The following KTN1 variants were observed in gnomAD, a reference collection of about 807,000 sequenced individuals.
KTN1 encodes the protein kinectin 1.
Under a neutral mutation model 222.5 loss-of-function variants are expected in KTN1, and 130 were observed. That is an observed-to-expected ratio of 0.58 (90% CI 0.51 to 0.68). KTN1 has a LOEUF of 0.68. KTN1 is among the 30% of genes least tolerant of loss of function. The probability of loss-of-function intolerance (pLI) is 0.00; values close to 1 mark genes in which losing one functional copy is unlikely to be tolerated. For missense variants in KTN1, 1,508 were observed against 1,500.4 expected (o/e 1.01, Z -0.08); for synonymous variants, 512 against 496.3 (o/e 1.03, Z -0.42).
intron 1 of KTN1, among the ~76,000 whole-genome samples, chr14:55,609,765 C>A (rs184681579): frequency 6.6e-6 from 1 of 152,050 alleles, no homozygotes; most frequent in Admixed American, 6.6e-5. Context: ...AGTGCCTTAG[C>A]GTCTCTTCTT....
intron 5 of KTN1, among the ~76,000 whole-genome samples, chr14:55,620,369 C>G (rs1566728470): frequency 1.3e-5 from 2 of 152,148 alleles, no homozygotes; most frequent in African/African-American, 2.4e-5. Flanking sequence ...TCTCACAGCT[C>G]CACTGGGCAG....
At chr14:55,581,063 C>T (rs7141976) in intron 1 of KTN1, among the ~76,000 whole-genome samples, 27,383 of 152,286 alleles carry the variant, frequency 0.18, 3,069 homozygotes, top group Middle Eastern at 0.29. Flanking sequence ...TGTGTCCTAG[C>T]GATTCGGCCT....
At chr14:55,581,193 C>G (rs934383727) in intron 1 of KTN1, among the ~76,000 whole-genome samples, 1 of 152,186 alleles carries the variant, frequency 6.6e-6, no homozygotes, top group Non-Finnish European at 1.5e-5. Context: ...GATGTGCAGC[C>G]CCGCATGCTG....
Position 55,671,822 on chromosome 14 carries a change from A to T in KTN1, c.3476A>T (p.Gln1159Leu), listed in dbSNP as rs538400423. 1.4e-5 allele frequency: 22 copies of T among 1,611,310 alleles called. No homozygotes were observed. In the South Asian group the frequency reaches 1.9e-4, roughly 14 times the overall value. Residue 1159 changes from glutamine to leucine, a missense_variant, in exon 37 of 44, where the codon CAA becomes CTA. Transcript: ENST00000395314. ...ILQKLQRSVE[Q>L]EENKWKVKVD... ...CAGAAGCTACAGAGAAGTGTTGAGC[A>T]AGAAGAAAATAAATGGAAAGTTAAG...
intron 4 of KTN1, among the ~76,000 whole-genome samples, 153 bp from the exon 5 acceptor site, chr14:55,619,029 G>C (rs964117884): frequency 6.6e-6 from 1 of 152,036 alleles, no homozygotes; most frequent in Non-Finnish European, 1.5e-5. Flanking sequence ...CTCTTGACTG[G>C]AGTATTTGTT....
chr14:55,585,987 T>A (rs575464004), intron 1 of KTN1, among the ~76,000 whole-genome samples: 1 of 152,342 alleles, frequency 6.6e-6, no homozygotes, highest in Admixed American at 6.5e-5. Context: ...ACATTGTCTA[T>A]CAGGAGACAT....
chr14:55,663,803 C>CT (rs2044403959), intron 32 of KTN1, 152 bp from the exon 33 acceptor site: 1 of 567,182 alleles, frequency 1.8e-6, no homozygotes, highest in Non-Finnish European at 3.1e-6. Flanking sequence ...CTAAACATTG[C>CT]TTTTTATTTT....
intron 6 of KTN1, 115 bp from the exon 7 acceptor site, chr14:55,629,842 T>C (rs958045681): frequency 5.0e-5 from 38 of 762,698 alleles, no homozygotes; most frequent in Non-Finnish European, 7.4e-5. Context: ...GTACTTAATG[T>C]TTTATCATTC....
intron 33 of KTN1, among the ~76,000 whole-genome samples, chr14:55,664,423 C>T (rs2044480939): frequency 6.6e-6 from 1 of 152,096 alleles, no homozygotes; most frequent in African/African-American, 2.4e-5. Flanking sequence ...GTGCCATAAA[C>T]TACGTGTTTT....
rs192903660 is a variant in KTN1, at chr14:55,624,562, G to T, written c.964-3350G>T. Among the ~76,000 whole-genome samples the T allele has an allele frequency of 4.6e-5, 7 of 152,302 alleles. No individual in the cohort carries two copies. In the East Asian group the frequency reaches 1.4e-3, roughly 29 times the overall value. On this transcript the variant is annotated intron_variant, in intron 5 of 43. Coordinates refer to ENST00000395314, the MANE Select transcript of KTN1 (RefSeq NM_001079521.2). ...ATTAACATATTTCTCTGGAGTAGAA[G>T]AAAGGCTACAATGGGAGTGATTGAG...
intron 22 of KTN1, 129 bp from the exon 23 acceptor site, chr14:55,650,199 C>T (rs1457035483): frequency 1.5e-6 from 1 of 686,586 alleles, no homozygotes; most frequent in Non-Finnish European, 2.5e-6. Flanking sequence ...TCTACAAAGA[C>T]ATGTTGCTAT....
intron 6 of KTN1, among the ~76,000 whole-genome samples, chr14:55,628,988 G>A (rs2040184824): frequency 6.6e-6 from 1 of 152,156 alleles, no homozygotes; most frequent in Non-Finnish European, 1.5e-5. Context: ...AATTGCTTTA[G>A]AGCAGGAACA....
At chr14:55,642,887 A>T (rs2141018397) in intron 18 of KTN1, among the ~76,000 whole-genome samples, 1 of 152,092 alleles carries the variant, frequency 6.6e-6, no homozygotes, top group South Asian at 2.1e-4. Flanking sequence ...ATTTAGTTTA[A>T]ATGGCATTTA....
intron 5 of KTN1, among the ~76,000 whole-genome samples, chr14:55,620,893 C>G (rs1379611524): frequency 6.6e-6 from 1 of 152,214 alleles, no homozygotes; most frequent in Non-Finnish European, 1.5e-5. Flanking sequence ...AATTTCTCCT[C>G]AGAAAGTGGG....
In KTN1 at chr14:55,652,718, A is replaced by T. The variant is rs1157749349; in HGVS notation, c.2604-132A>T. ...CTGGCCTTGTATGCCTTTATACTTGATAAGTTTTAGTTTAGTTCAATCAGC... is the reference window on the plus strand; with the variant it reads ...CTGGCCTTGTATGCCTTTATACTTGTTAAGTTTTAGTTTAGTTCAATCAGC... On this transcript the variant is annotated intron_variant, in intron 25 of 43. Coordinates refer to ENST00000395314, the MANE Select transcript of KTN1 (RefSeq NM_001079521.2). The T allele has an allele frequency of 1.1e-5, 7 of 621,312 alleles. No individual in the cohort carries two copies. In the East Asian group the frequency reaches 2.0e-4, roughly 18 times the overall value. 38.5% of individuals were successfully genotyped at this position (621,312 alleles called of 1,614,324 possible). A position where few individuals can be genotyped will look rare whatever the true frequency, so the allele number is the denominator to read the frequency against.
At chr14:55,660,501 A>G (rs775190496) in intron 31 of KTN1, among the ~76,000 whole-genome samples, 2 of 151,774 alleles carry the variant, frequency 1.3e-5, no homozygotes, top group Non-Finnish European at 2.9e-5. Flanking sequence ...CAACATGTTA[A>G]AATGTCAACC....
chr14:55,663,285 TGTTAAAATCCA>T (rs2044344777), intron 32 of KTN1: 1 of 180,234 alleles, frequency 5.5e-6, no homozygotes, highest in South Asian at 1.2e-4. Context: ...AATGAAATGC[TGTTAAAATCCA>T]GATCTCTCAA....
chr14:55,659,211 A>G (rs2043835070), intron 30 of KTN1, among the ~76,000 whole-genome samples: 1 of 152,140 alleles, frequency 6.6e-6, no homozygotes, highest in Non-Finnish European at 1.5e-5. Flanking sequence ...AATAAATACC[A>G]TATATGAAGG....
chr14:55,636,273 TA>T (rs2041115932), intron 9 of KTN1, among the ~76,000 whole-genome samples, 175 bp from the exon 10 acceptor site: 1 of 152,186 alleles, frequency 6.6e-6, no homozygotes, highest in South Asian at 2.1e-4. Flanking sequence ...GGCTGATAAA[TA>T]AATGGCTTTT....
Sources: gnomAD v4.1 joint callset for allele counts (sites outside exome capture counted in the v4.1 genomes callset) on GRCh38, gnomAD v4.1.1 for gene constraint, MANE v1.5 for transcripts, NCBI Gene and HGNC (gene_info 2026-07-23, HGNC 2026-07-21) for gene names.